Variants in SLC34A2 observed in about 807,000 individuals in gnomAD.
The protein encoded by SLC34A2 is sodium-dependent phosphate transport protein 2B.
A neutral mutation model predicts 50.8 loss-of-function variants in SLC34A2; 41 were observed. The ratio of observed to expected loss-of-function variants is 0.81; its 90% CI spans 0.63 to 1.05. The LOEUF is 1.05. Ranked by LOEUF, SLC34A2 falls within the 50% of genes least tolerant of loss-of-function variation. The probability of loss-of-function intolerance (pLI) is 0.00; values close to 1 mark genes in which losing one functional copy is unlikely to be tolerated. For missense variants in SLC34A2, 879 were observed against 876.7 expected, an observed-to-expected ratio of 1.00 and a Z score of -0.03; for synonymous variants, 401 against 364.2, an observed-to-expected ratio of 1.10 and a Z score of -1.15.
chr4:25,669,786 G>A lies in SLC34A2; in HGVS notation c.775G>A (p.Asp259Asn). The change falls in exon 7 of 13, where the codon GAT becomes AAT. Residue 259 changes from aspartate to asparagine, a missense_variant. Coordinates refer to ENST00000382051, the MANE Select transcript of SLC34A2 (RefSeq NM_006424.3). ...GAGCTTCCACTTCAAGAATGGAGAAGATGCCCCAGATCTTCTGAAAGTCAT... is the reference window on the plus strand; with the variant it reads ...GAGCTTCCACTTCAAGAATGGAGAAAATGCCCCAGATCTTCTGAAAGTCAT... Reference protein sequence around the residue: ...VESFHFKNGEDAPDLLKVITK... With the variant: ...VESFHFKNGENAPDLLKVITK... 1 of 1,614,186 alleles carries A rather than the reference G, an allele frequency of 6.2e-7. No homozygotes were observed. The highest frequency in any genetic ancestry group is 8.5e-7 in the Non-Finnish European group (1 of 1,180,036).
At chr4:25,673,950 G>T (rs1306596419) in intron 10 of SLC34A2, among the ~76,000 whole-genome samples, 1 of 152,234 alleles carries the variant, frequency 6.6e-6, no homozygotes, top group Non-Finnish European at 1.5e-5. Flanking sequence ...AAGGTTGAAG[G>T]TCAAATGTGG....
chr4:25,676,795 T>C lies in SLC34A2; in HGVS notation c.*46T>C. Reference sequence around the variant, plus strand: ...GGATGGGGGGATGGTCCTTGAGTTTTGCATGCTCTCCTCCCTCCCACTTCT... The same window carrying C: ...GGATGGGGGGATGGTCCTTGAGTTTCGCATGCTCTCCTCCCTCCCACTTCT... On this transcript the variant is annotated 3_prime_UTR_variant, in exon 13 of 13. Transcript: ENST00000382051. 6.2e-7 allele frequency: 1 copy of C among 1,612,530 alleles called. No homozygotes were observed. The highest frequency in any genetic ancestry group is 1.1e-5 in the South Asian group (1 of 90,944).
In SLC34A2 at chr4:25,675,373, C is replaced by G. The variant is rs534243326; in HGVS notation, c.1458+744C>G. ...TCTCACCATTTACATACTAAGTGACCTTTGGCAAGTGATCTAACCTGAGCG... is the reference window on the plus strand; with the variant it reads ...TCTCACCATTTACATACTAAGTGACGTTTGGCAAGTGATCTAACCTGAGCG... On this transcript the variant is annotated intron_variant, in intron 12 of 12. Transcript: ENST00000382051. Among the ~76,000 whole-genome samples, 67 of 152,306 alleles carry G rather than the reference C, an allele frequency of 4.4e-4. 2 individuals carry two copies. In the South Asian group the frequency reaches 0.014, roughly 31 times the overall value.
Position 25,662,854 on chromosome 4 carries a change from G to T in SLC34A2, c.250+12G>T. 6.2e-7 allele frequency: 1 copy of T among 1,613,892 alleles called. No individual in the cohort carries two copies. The highest frequency in any genetic ancestry group is 8.5e-7 in the Non-Finnish European group (1 of 1,179,882). On this transcript the variant is annotated intron_variant, in intron 3 of 12. Transcript: ENST00000382051. ...GATCAAGTGGTCAGGTAAAAGTGAG[G>T]CCAGCTGAGACATTCAGGAGGGAAA...
chr4:25,663,630 G>A (rs999352167), intron 3 of SLC34A2, among the ~76,000 whole-genome samples: 1 of 152,108 alleles, frequency 6.6e-6, no homozygotes, highest in African/African-American at 2.4e-5. Flanking sequence ...GGTGTGGGGT[G>A]GGGAGGAGAG....
intron 4 of SLC34A2, chr4:25,664,987 ACTCACAGC>A (rs1714414695): frequency 4.4e-6 from 1 of 229,476 alleles, no homozygotes; most frequent in African/African-American, 2.2e-5. Flanking sequence ...CAGCCCTGAG[ACTCACAGC>A]CTGTGATTAG....
chr4:25,660,047 C>A (rs1011985698), intron 1 of SLC34A2, among the ~76,000 whole-genome samples: 12 of 152,130 alleles, frequency 7.9e-5, no homozygotes, highest in African/African-American at 2.7e-4. Context: ...CATGGACATA[C>A]CATAGTTAGA....
At chr4:25,657,446 G>A (rs1227096069) in intron 1 of SLC34A2, among the ~76,000 whole-genome samples, 1 of 152,012 alleles carries the variant, frequency 6.6e-6, no homozygotes, top group Non-Finnish European at 1.5e-5. Context: ...GGTACAAAAA[G>A]AGGGCTATAA....
chr4:25,657,951 G>A (rs1713977229), intron 1 of SLC34A2, among the ~76,000 whole-genome samples: 1 of 152,246 alleles, frequency 6.6e-6, no homozygotes. Flanking sequence ...AAAAGGAGAC[G>A]TCACCCTCTT....
intron 5 of SLC34A2, among the ~76,000 whole-genome samples, chr4:25,667,340 C>T (rs1409009601): frequency 2.0e-5 from 3 of 152,042 alleles, no homozygotes; most frequent in Non-Finnish European, 2.9e-5. Flanking sequence ...GGTGAAACCC[C>T]GTCTCTACTA....
At chr4:25,671,550 A>T (rs1714814861) in intron 8 of SLC34A2, 51 bp from the exon 9 acceptor site, 1 of 1,612,734 alleles carries the variant, frequency 6.2e-7, no homozygotes, top group South Asian at 1.1e-5. Flanking sequence ...ATTGCCTCCC[A>T]TTCCCCACTA....
chr4:25,666,509 C>T (rs1714511006), intron 5 of SLC34A2, among the ~76,000 whole-genome samples: 1 of 152,192 alleles, frequency 6.6e-6, no homozygotes, highest in Admixed American at 6.5e-5. Flanking sequence ...TCTGAATTCT[C>T]TAGTACTGTA....
Position 25,676,534 on chromosome 4 carries a change from T to C in SLC34A2, c.1858T>C (p.Cys620Arg). Residue 620 changes from cysteine to arginine, a missense_variant, in exon 13 of 13, where the codon TGC becomes CGC. By Grantham distance (180) the Cys-to-Arg change is radical. Coordinates refer to ENST00000382051, the MANE Select transcript of SLC34A2 (RefSeq NM_006424.3). ...CGGCTGCTTCCAGATGCGCTGCTGC[T>C]GCTGCTGCCGCGTGTGCTGCCGCGC... ...FTGCFQMRCC[C>R]CCRVCCRACC... 1 of 1,613,702 alleles carries C rather than the reference T, an allele frequency of 6.2e-7. No homozygotes were observed. The highest frequency in any genetic ancestry group is 8.5e-7 in the Non-Finnish European group (1 of 1,179,740).
chr4:25,671,116 G>T (rs1003534039), intron 8 of SLC34A2, among the ~76,000 whole-genome samples: 5 of 152,176 alleles, frequency 3.3e-5, no homozygotes, highest in African/African-American at 1.2e-4. Flanking sequence ...GCTTAGCTCT[G>T]CCTGCCGCTC....
At position 25,674,509 on chromosome 4, in the gene SLC34A2, C is replaced by G. The variant is rs200795814; in HGVS notation, c.1338C>G (p.Ile446Met). The change falls in exon 12 of 13, where the codon ATC becomes ATG. Residue 446 changes from isoleucine (I) to methionine (M), a missense_variant. Coordinates refer to ENST00000382051, the MANE Select transcript of SLC34A2 (RefSeq NM_006424.3). ...TGTGTTTTGTGTTTCCCCCAGGAAT[C>G]GGCGTGATAACCATTGAGAGGGCTT... ...FTSALTPLIGIGVITIERAYP... is the reference protein window; with the variant it reads ...FTSALTPLIGMGVITIERAYP... The G allele has an allele frequency of 3.1e-6, 5 of 1,614,200 alleles. No homozygotes were observed. In the South Asian group the frequency reaches 5.5e-5, roughly 18 times the overall value.
chr4:25,666,688 CAT>C (rs1363021288), intron 5 of SLC34A2, among the ~76,000 whole-genome samples: 2 of 152,190 alleles, frequency 1.3e-5, no homozygotes, highest in Admixed American at 6.5e-5. Context: ...GAAGTAGAGA[CAT>C]AGAACATTTC....
chr4:25,670,954 GA>G (rs1261601991), intron 8 of SLC34A2, 121 bp downstream of exon 8: 4 of 827,316 alleles, frequency 4.8e-6, no homozygotes, highest in Non-Finnish European at 6.0e-6. Context: ...GGGAGTCCCT[GA>G]AAAATCAAAA....
rs927287594 is a variant in SLC34A2, at chr4:25,677,269, G to A, written c.*520G>A. ...CTGGGTCAGGGGACATAGTGTCATT[G>A]TTTGGAAACTGCAGACCACAAGGTG... On this transcript the variant is annotated 3_prime_UTR_variant, in exon 13 of 13. Transcript: ENST00000382051. 3 of 164,560 alleles carry A rather than the reference G, an allele frequency of 1.8e-5. No homozygotes were observed. The highest frequency in any genetic ancestry group is 1.4e-5 in the Non-Finnish European group (1 of 73,994). 10.2% of individuals were successfully genotyped at this position (164,560 alleles called of 1,614,324 possible).
At position 25,673,185 on chromosome 4, in the gene SLC34A2, A is replaced by C. The variant is rs1714909989; in HGVS notation, c.1147A>C (p.Ile383Leu). The C allele has an allele frequency of 6.2e-7, 1 of 1,613,888 alleles. No homozygotes were observed. Among genetic ancestry groups the C allele is most frequent in the Admixed American group, 1.7e-5 (1 of 59,974 alleles). ...GGTCCTCTGTGGTTGCCTGATCATGATTGTCAAGATCCTGGGCTCTGTGCT... is the reference window on the plus strand; with the variant it reads ...GGTCCTCTGTGGTTGCCTGATCATGCTTGTCAAGATCCTGGGCTCTGTGCT... ...LLVLCGCLIMIVKILGSVLKG... is the reference protein window; with the variant it reads ...LLVLCGCLIMLVKILGSVLKG... The change falls in exon 10 of 13, where the codon ATT becomes CTT. Residue 383 changes from isoleucine (I) to leucine (L), a missense_variant. Coordinates refer to ENST00000382051, the MANE Select transcript of SLC34A2 (RefSeq NM_006424.3).
Sources: allele counts gnomAD v4.1 joint callset (sites outside exome capture counted in the v4.1 genomes callset), GRCh38; gene constraint gnomAD v4.1.1; transcripts MANE v1.5; gene names NCBI Gene and HGNC (gene_info 2026-07-23, HGNC 2026-07-21).